CLDN14: variants seen among roughly 807,000 people sequenced by gnomAD.
CLDN14 encodes claudin-14.
A neutral mutation model predicts 2.1 loss-of-function variants in CLDN14; 2 were observed. That is an observed-to-expected ratio of 0.96 (90% CI 0.39 to 3.01). The LOEUF is 3.01. CLDN14 is among the 30% of genes most tolerant of loss of function. CLDN14 has a pLI of 0.09. For synonymous variants in CLDN14, 136 were observed against 154.4 expected, an observed-to-expected ratio of 0.88 and a Z score of 0.88; for missense variants, 298 against 328.0, an observed-to-expected ratio of 0.91 and a Z score of 0.71.
intron 1 of CLDN14, among the ~76,000 whole-genome samples, chr21:36,528,891 C>T (rs2087357100): frequency 1.3e-5 from 2 of 152,326 alleles, no homozygotes; most frequent in Admixed American, 6.5e-5. Context: ...CGCAACCCTG[C>T]CTGGCCCTCC....
intron 1 of CLDN14, among the ~76,000 whole-genome samples, chr21:36,532,652 T>C (rs8134335): frequency 0.083 from 12,602 of 152,152 alleles, 1,116 homozygotes; most frequent in African/African-American, 0.22. Context: ...GAGGTTCTAA[T>C]TTAAGCCTTG....
In CLDN14 at chr21:36,461,657, G is replaced by GAGCAGGAAGCCC. The variant is rs1364245327; in HGVS notation, c.27_38dup (p.Gly10_Leu13dup). 2 of 1,565,720 alleles carry GAGCAGGAAGCCC rather than the reference G, an allele frequency of 1.3e-6. No individual in the cohort carries two copies. The highest frequency in any genetic ancestry group is 1.7e-6 in the Non-Finnish European group (2 of 1,155,868). ...ACGTGCCCACCATGCCCAGGAAGCT[G>GAGCAGGAAGCCC]AGCAGGAAGCCCAGAAGCTGCACGG... On this transcript the variant is annotated inframe_insertion, in exon 2 of 2. Coordinates refer to ENST00000399135, the MANE Select transcript of CLDN14 (RefSeq NM_001146079.2).
At position 36,498,307 on chromosome 21, in the gene CLDN14, A is replaced by G. The variant is rs1802006509; in HGVS notation, c.-82+12056T>C. Among the ~76,000 whole-genome samples, 2 of 152,108 alleles carry G rather than the reference A, an allele frequency of 1.3e-5. No individual in the cohort carries two copies. The highest frequency in any genetic ancestry group is 1.9e-4 in the East Asian group (1 of 5,184). On this transcript the variant is annotated intron_variant, in intron 2 of 2. Transcript: ENST00000342108. The surrounding 1 kb of genome is among the most constrained non-coding windows in gnomAD (Gnocchi z 4.9). ...TGAGCCACTGCGCCCAGACAGGAAG[A>G]TGCGTTTGTGAGCCGGGACAATTGT...
intron 1 of CLDN14, among the ~76,000 whole-genome samples, chr21:36,462,913 G>A (rs139388371): frequency 0.011 from 1,586 of 148,324 alleles, 22 homozygotes; most frequent in African/African-American, 0.037. Context: ...GTAAGACTCC[G>A]TCTCAAAAAA....
At chr21:36,484,237 T>A (rs1185544700), upstream of CLDN14, among the ~76,000 whole-genome samples, 1 of 152,204 alleles carries the variant, frequency 6.6e-6, no homozygotes, top group Admixed American at 6.5e-5. Context: ...TACGCATGCA[T>A]GTCCATTAGA....
chr21:36,573,094 G>A (rs1023322791), intron 1 of CLDN14, among the ~76,000 whole-genome samples: 5 of 152,208 alleles, frequency 3.3e-5, no homozygotes, highest in Non-Finnish European at 7.3e-5. Flanking sequence ...GAGGTCAGGA[G>A]ATCGAGACCA....
chr21:36,570,787 A>G (rs1482807057), intron 1 of CLDN14, among the ~76,000 whole-genome samples: 1 of 151,900 alleles, frequency 6.6e-6, no homozygotes, highest in Non-Finnish European at 1.5e-5. Flanking sequence ...AAATAAAAAC[A>G]GGAGGATGCT....
chr21:36,485,562 C>G (rs564433853), intron 2 of CLDN14, among the ~76,000 whole-genome samples: 3 of 152,334 alleles, frequency 2.0e-5, no homozygotes, highest in South Asian at 2.1e-4. Flanking sequence ...CCAGCGATAC[C>G]TGAGTACAGG....
intron 1 of CLDN14, among the ~76,000 whole-genome samples, chr21:36,476,783 G>A (rs1169878939): frequency 1.3e-5 from 2 of 152,208 alleles, no homozygotes; most frequent in African/African-American, 4.8e-5. Context: ...ATCTCCTCCT[G>A]GCCCAGGCCC....
At chr21:36,537,651 CTTTTCTTTT>C (rs1253059940) in intron 1 of CLDN14, among the ~76,000 whole-genome samples, 1 of 143,606 alleles carries the variant, frequency 7.0e-6, no homozygotes, top group Admixed American at 7.1e-5. Flanking sequence ...TTTTTCTTTT[CTTTTCTTTT>C]TTTTTTTGAG....
rs534677072 is a variant in CLDN14 at position 36,539,268 on chromosome 21, A to C, written c.-219-28768T>G. Among the ~76,000 whole-genome samples, 25 of 152,362 alleles carry C rather than the reference A, an allele frequency of 1.6e-4. 1 individual carries two copies. In the South Asian group the frequency reaches 5.2e-3, roughly 32 times the overall value. ...AGGTGTTTAAGGTCTACTGGGAGAC[A>C]TGGCAATGAAATAAGCAAAAAATAC... On this transcript the variant is annotated intron_variant, in intron 1 of 2. Transcript: ENST00000342108.
In CLDN14 at chr21:36,498,838, G is replaced by A. The variant is rs895324328; in HGVS notation, c.-82+11525C>T. ...CCCTGCACGAAGGTGGCCGCTGAGGGGCCCTCATGGGGGCTGAAATTCAAC... is the reference window on the plus strand; with the variant it reads ...CCCTGCACGAAGGTGGCCGCTGAGGAGCCCTCATGGGGGCTGAAATTCAAC... On this transcript the variant is annotated intron_variant, in intron 2 of 2. Coordinates refer to the CLDN14 transcript ENST00000342108. This position sits in a 1 kb window ranked among gnomAD's most constrained non-coding sequence, Gnocchi z 4.9. Among the ~76,000 whole-genome samples the A allele has an allele frequency of 3.3e-5, 5 of 152,214 alleles. No individual in the cohort carries two copies. Among genetic ancestry groups the A allele is most frequent in the East Asian group, 1.9e-4 (1 of 5,170 alleles).
chr21:36,573,955 G>A (rs1362077280), intron 1 of CLDN14, among the ~76,000 whole-genome samples: 1 of 152,100 alleles, frequency 6.6e-6, no homozygotes, highest in African/African-American at 2.4e-5. Context: ...TCATTGATTG[G>A]AAGACTTAAT....
At chr21:36,482,918 G>T (rs772186841), upstream of CLDN14, among the ~76,000 whole-genome samples, 4 of 152,226 alleles carry the variant, frequency 2.6e-5, no homozygotes, top group Non-Finnish European at 5.9e-5. Context: ...TTGTGTGCTA[G>T]CTGTGGTTTT....
chr21:36,574,058 C>G (rs2087726382), intron 1 of CLDN14, among the ~76,000 whole-genome samples: 1 of 151,986 alleles, frequency 6.6e-6, no homozygotes, highest in African/African-American at 2.4e-5. Flanking sequence ...TGAGCTGATT[C>G]TAAATGATAT....
intron 1 of CLDN14, among the ~76,000 whole-genome samples, chr21:36,559,760 C>A (rs996645981): frequency 6.6e-5 from 10 of 152,286 alleles, no homozygotes; most frequent in Admixed American, 6.5e-4. Context: ...ATATTTCTCT[C>A]CAAATCCAAA....
intron 2 of CLDN14, among the ~76,000 whole-genome samples, chr21:36,494,865 G>T (rs1335487307): frequency 3.3e-5 from 5 of 152,238 alleles, no homozygotes; most frequent in Admixed American, 6.5e-5. Flanking sequence ...ATTCTTGGCA[G>T]ATGAATACAA....
chr21:36,564,584 C>T (rs1042825335), intron 1 of CLDN14, among the ~76,000 whole-genome samples: 16 of 152,148 alleles, frequency 1.1e-4, no homozygotes, highest in Admixed American at 4.6e-4. Context: ...AATTCCAGGG[C>T]GTTTCACCAG....
At chr21:36,570,485 G>T (rs182218016) in intron 1 of CLDN14, among the ~76,000 whole-genome samples, 1 of 152,152 alleles carries the variant, frequency 6.6e-6, no homozygotes, top group Non-Finnish European at 1.5e-5. Context: ...TGGTTGAGGG[G>T]TACTTAAACT....
Sources: allele counts gnomAD v4.1 joint callset (sites outside exome capture counted in the v4.1 genomes callset), GRCh38; gene constraint gnomAD v4.1.1; non-coding constraint Gnocchi (gnomAD v3.1); transcripts MANE v1.5; gene names NCBI Gene and HGNC (gene_info 2026-07-23, HGNC 2026-07-21).